Variants in CD276 observed in about 807,000 individuals in gnomAD.
The protein encoded by CD276 is CD276 antigen.
A neutral mutation model predicts 50.0 loss-of-function variants in CD276; 34 were observed. That is an observed-to-expected ratio of 0.68 (90% CI 0.52 to 0.91). The LOEUF (loss-of-function observed/expected upper bound fraction) is 0.91. Ranked by LOEUF, CD276 falls within the 40% of genes least tolerant of loss-of-function variation. The pLI, the probability that CD276 is intolerant of heterozygous loss-of-function variation, is 0.00. For synonymous variants in CD276, 275 were observed against 313.0 expected (o/e 0.88, Z 1.28); for missense variants, 634 against 717.5 (o/e 0.88, Z 1.33).
At chr15:73,684,381 CCATTCG>C (rs1899650882) in exon 1 of CD276, 1 of 151,784 alleles carries the variant, frequency 6.6e-6, no homozygotes, top group Non-Finnish European at 1.5e-5. Context: ...CCCCCGGCCC[CCATTCG>C]GGCCGGGCCT....
chr15:73,686,481 A>G (rs1033828789), intron 1 of CD276, among the ~76,000 whole-genome samples: 1 of 152,184 alleles, frequency 6.6e-6, no homozygotes, highest in African/African-American at 2.4e-5. Flanking sequence ...ATTTATGGAA[A>G]GGACAGTTAT....
At chr15:73,691,995 C>T (rs2141540984) in intron 1 of CD276, among the ~76,000 whole-genome samples, 1 of 152,224 alleles carries the variant, frequency 6.6e-6, no homozygotes, top group African/African-American at 2.4e-5. Context: ...ACACGTGGGT[C>T]ACAGTATTCC....
At chr15:73,690,592 G>A (rs1041593881) in intron 1 of CD276, 21 of 434,384 alleles carry the variant, frequency 4.8e-5, no homozygotes, top group Admixed American at 4.6e-4. Flanking sequence ...AGTACAGACA[G>A]TATGGGGGCA....
At chr15:73,689,188 CTGTGTG>C (rs58196751) in intron 1 of CD276, among the ~76,000 whole-genome samples, 1,902 of 142,676 alleles carry the variant, frequency 0.013, 22 homozygotes, top group African/African-American at 0.033. Flanking sequence ...TCTGTGCCTC[CTGTGTG>C]TGTGTGTGTG....
rs748313773 is a variant in CD276 at position 73,702,364 on chromosome 15, C to G, written c.189C>G (p.Leu63=). The change falls in exon 3 of 10, where the codon CTC becomes CTG. Residue 63 remains leucine, a synonymous_variant. Coordinates refer to ENST00000318443, the MANE Select transcript of CD276 (RefSeq NM_001024736.2). ...AGCCTGGCTTCAGCCTGGCACAGCT[C>G]AACCTCATCTGGCAGCTGACAGATA... ...SPEPGFSLAQ[L]NLIWQLTDTK... is the part of the protein sequence containing the mutation. 1.9e-6 allele frequency: 3 copies of G among 1,613,700 alleles called. No homozygotes were observed. The South Asian group carries it at 3.3e-5, about 18-fold the overall frequency.
chr15:73,714,109 G>C lies in CD276; in HGVS notation c.*1153G>C. 1.4e-5 allele frequency: 4 copies of C among 284,984 alleles called. No individual in the cohort carries two copies. The highest frequency in any genetic ancestry group is 1.2e-4 in the South Asian group (4 of 33,462). The allele number at this position is 284,984 out of a possible 1,614,324, so 17.7% of individuals were successfully genotyped here. A position where few individuals can be genotyped will look rare whatever the true frequency, so the allele number is the denominator to read the frequency against. On this transcript the variant is annotated 3_prime_UTR_variant, in exon 10 of 10. Coordinates refer to ENST00000318443, the MANE Select transcript of CD276 (RefSeq NM_001024736.2). ...GGGTTGGGGCGGAAACCTGGAGAGA[G>C]GGACATAGCCCCTCGCCACGGCTAG...
rs371919678 is a variant in CD276, at chr15:73,704,138, T to C, written c.1073-38T>C. ...CATGCATCCTTTTCCTCCCCTGCCA[T>C]TGCCCTGCCCTTGACCCCTGCCCTC... On this transcript the variant is annotated intron_variant, in intron 5 of 9. Transcript: ENST00000318443. This position sits in a 1 kb window ranked among gnomAD's most constrained non-coding sequence, Gnocchi z 4.1. 193 of 1,595,548 alleles carry C rather than the reference T, an allele frequency of 1.2e-4. No individual in the cohort carries two copies. The highest frequency in any genetic ancestry group is 1.6e-4 in the Non-Finnish European group (182 of 1,169,672).
In CD276 at chr15:73,709,696, C is replaced by A; in HGVS notation, c.1546+7C>A. 1.9e-6 allele frequency: 3 copies of A among 1,611,106 alleles called. No homozygotes were observed. The highest frequency in any genetic ancestry group is 1.3e-5 in the African/African-American group (1 of 74,820). ...GGAGAAGGCTCCAAGACAGGTGAGT[C>A]TGAACTTGGAGCTGGCCCTCTTGGC... On this transcript the variant is annotated splice_region_variant and intron_variant, in intron 8 of 9. Transcript: ENST00000318443.
chr15:73,707,732 T>C (rs1012862075), intron 6 of CD276, among the ~76,000 whole-genome samples: 68 of 152,210 alleles, frequency 4.5e-4, no homozygotes, highest in African/African-American at 1.6e-3. Flanking sequence ...GTTTGTGGAC[T>C]GTACAAAAAC....
In CD276 at chr15:73,687,910, C is replaced by T. The variant is rs989491712; in HGVS notation, c.-55+3450C>T. 1.2e-4 allele frequency among the ~76,000 whole-genome samples: 19 copies of T among 152,120 alleles called. No homozygotes were observed. Among genetic ancestry groups the T allele is most frequent in the African/African-American group, 4.6e-4 (19 of 41,414 alleles). ...GTTACCCTAGAGGCAATGCAGGCTC[C>T]TAGGAACTGGGGCTGCCTTGTGGGA... is the stretch of plus-strand genomic sequence containing the variant. On this transcript the variant is annotated intron_variant, in intron 1 of 9. Transcript: ENST00000318443. This position sits in a 1 kb window ranked among gnomAD's most constrained non-coding sequence, Gnocchi z 4.0.
chr15:73,696,479 G>A (rs532003589), intron 1 of CD276, among the ~76,000 whole-genome samples: 1 of 152,152 alleles, frequency 6.6e-6, no homozygotes, highest in Non-Finnish European at 1.5e-5. Context: ...GGACTCTTCT[G>A]GTCTCTTTGC....
At chr15:73,691,203 T>C (rs1899975051) in intron 1 of CD276, among the ~76,000 whole-genome samples, 1 of 149,866 alleles carries the variant, frequency 6.7e-6, no homozygotes, top group Non-Finnish European at 1.5e-5. Context: ...TTACAGATAA[T>C]AGAAAACTAG....
At chr15:73,689,906 C>G (rs1035683713) in intron 1 of CD276, among the ~76,000 whole-genome samples, 2 of 152,188 alleles carry the variant, frequency 1.3e-5, no homozygotes, top group Non-Finnish European at 2.9e-5. Flanking sequence ...CCTAGGGAGC[C>G]TGGCAAGTGA....
chr15:73,697,287 G>A lies in CD276; in HGVS notation c.-54-2299G>A, dbSNP rs1304962909. Among the ~76,000 whole-genome samples the A allele has an allele frequency of 2.6e-5, 4 of 152,120 alleles. No individual in the cohort carries two copies. The East Asian group carries it at 7.8e-4, about 30-fold the overall frequency. ...TTCCCCACTGTAGACAGCTGGGAGA[G>A]AAGGGGGGCTGGCCAGGATGCACAT... On this transcript the variant is annotated intron_variant, in intron 1 of 9. Transcript: ENST00000318443.
chr15:73,704,332 C>T lies in CD276; in HGVS notation c.1229C>T (p.Thr410Met), dbSNP rs774907009. 1.9e-5 allele frequency: 31 copies of T among 1,613,828 alleles called. No individual in the cohort carries two copies. The highest frequency in any genetic ancestry group is 7.7e-5 in the South Asian group (7 of 91,074). ...GTGCCCCTGACTGGCAACGTGACCA[C>T]GTCGCAGATGGCCAACGAGCAGGGC... ...QGVPLTGNVT[T>M]SQMANEQGLF... Residue 410 changes from threonine (T) to methionine (M), a missense_variant, in exon 6 of 10, where the codon ACG (threonine) becomes ATG (methionine). Physicochemically the swap from Thr to Met is moderately conservative, Grantham distance 81 (BLOSUM62 -1). Coordinates refer to ENST00000318443, the MANE Select transcript of CD276 (RefSeq NM_001024736.2). The surrounding 1 kb of genome is among the most constrained non-coding windows in gnomAD (Gnocchi z 4.1).
At chr15:73,699,504 A>T in intron 1 of CD276, 82 bp from the exon 2 acceptor site, 1 of 1,511,590 alleles carries the variant, frequency 6.6e-7, no homozygotes, top group Admixed American at 2.0e-5. Context: ...AGCCTTCCCC[A>T]CTCTGGTCCA....
In CD276 at chr15:73,713,067, G is replaced by A; in HGVS notation, c.*111G>A. On this transcript the variant is annotated 3_prime_UTR_variant, in exon 10 of 10. Transcript: ENST00000318443. ...CAGATGCATCCTGCTCTGACAGGTG[G>A]GCTCCTTCTCCAAAGGATGCGATAC... 1.0e-6 allele frequency: 1 copy of A among 976,850 alleles called. No individual in the cohort carries two copies. The allele number at this position is 976,850 out of a possible 1,614,324, so 60.5% of individuals were successfully genotyped here.
intron 7 of CD276, 30 bp downstream of exon 7, chr15:73,708,503 C>T (rs745763153): frequency 1.3e-6 from 2 of 1,598,190 alleles, no homozygotes; most frequent in Non-Finnish European, 1.7e-6. Context: ...TGTGCGTGCG[C>T]ATGCACACTT....
In CD276 at chr15:73,714,009, C is replaced by T. The variant is rs555354761; in HGVS notation, c.*1053C>T. The T allele has an allele frequency of 1.6e-5, 5 of 303,698 alleles. No homozygotes were observed. The highest frequency in any genetic ancestry group is 1.3e-4 in the South Asian group (5 of 37,170). 18.8% of individuals were successfully genotyped at this position (303,698 alleles called of 1,614,324 possible). A position where few individuals can be genotyped will look rare whatever the true frequency, so the allele number is the denominator to read the frequency against. On this transcript the variant is annotated 3_prime_UTR_variant, in exon 10 of 10. Coordinates refer to ENST00000318443, the MANE Select transcript of CD276 (RefSeq NM_001024736.2). ...GGGGGCTCCTGCCTGGCTCCCTGCT[C>T]CACACCTCCTCTGTGGCTCAAGGCT... is the stretch of plus-strand genomic sequence containing the variant.
Sources: gnomAD v4.1 joint callset for allele counts (sites outside exome capture counted in the v4.1 genomes callset) on GRCh38, gnomAD v4.1.1 for gene constraint, Gnocchi (gnomAD v3.1) non-coding constraint, MANE v1.5 for transcripts, NCBI Gene and HGNC (gene_info 2026-07-23, HGNC 2026-07-21) for gene names.